PVT1: variants seen among roughly 807,000 people sequenced by gnomAD.
PVT1 encodes the protein Pvt1 oncogene.
At chr8:127,953,638 A>G (rs1229420100) in intron 3 of PVT1, among the ~76,000 whole-genome samples, 3 of 152,206 alleles carry the variant, frequency 2.0e-5, no homozygotes, top group African/African-American at 7.2e-5. Context: ...CTTCCATTTT[A>G]CAGATAAAAA....
chr8:127,971,821 A>G (rs1816767096), intron 3 of PVT1, among the ~76,000 whole-genome samples: 1 of 152,182 alleles, frequency 6.6e-6, no homozygotes, highest in Non-Finnish European at 1.5e-5. Context: ...CGGGACAGAA[A>G]CGGGCTGTTA....
chr8:128,035,795 G>A (rs1304628722), intron 4 of PVT1, among the ~76,000 whole-genome samples: 9 of 152,190 alleles, frequency 5.9e-5, no homozygotes, highest in Admixed American at 1.3e-4. Flanking sequence ...GAGGAGATAT[G>A]ACCATGGAAG....
intron 4 of PVT1, among the ~76,000 whole-genome samples, chr8:128,004,904 G>T (rs1292163360): frequency 6.6e-6 from 1 of 152,234 alleles, no homozygotes; most frequent in Non-Finnish European, 1.5e-5. Flanking sequence ...ACTTTGGGAG[G>T]TGGAGGAGGG....
At position 127,953,985 on chromosome 8, in the gene PVT1, T is replaced by C. The variant is rs187538139; in HGVS notation, n.783-35177T>C. On this transcript the variant is annotated intron_variant and non_coding_transcript_variant, in intron 3 of 10. Transcript: ENST00000651587. The stretch of plus-strand genomic sequence containing the variant: ...ACTTTGGAGAAAACGTGCACAAAAC[T>C]TGAAATACTGATCATCTTGAATATC... Among the ~76,000 whole-genome samples, 3 of 152,262 alleles carry C rather than the reference T, an allele frequency of 2.0e-5. No homozygotes were observed. In the East Asian group the frequency reaches 5.8e-4, roughly 29 times the overall value.
intron 2 of PVT1, chr8:127,803,605 T>C (rs1814493965): frequency 6.6e-6 from 1 of 152,234 alleles, no homozygotes; most frequent in African/African-American, 2.4e-5. Context: ...GAAGGAAATA[T>C]GGGCCAGGCA....
At chr8:127,913,656 G>T (rs1366364796) in intron 3 of PVT1, among the ~76,000 whole-genome samples, 1 of 152,066 alleles carries the variant, frequency 6.6e-6, no homozygotes, top group Admixed American at 6.6e-5. Flanking sequence ...GCCTCTCCCC[G>T]ACTGTGCACA....
intron 4 of PVT1, among the ~76,000 whole-genome samples, chr8:128,022,157 C>T (rs1435827482): frequency 6.6e-6 from 1 of 152,178 alleles, no homozygotes; most frequent in Non-Finnish European, 1.5e-5. Flanking sequence ...TATGTCAACC[C>T]AGCAGAGCTG....
intron 2 of PVT1, among the ~76,000 whole-genome samples, chr8:127,846,980 C>CTTTT (rs34437112): frequency 2.3e-3 from 141 of 62,400 alleles, no homozygotes; most frequent in Non-Finnish European, 3.2e-3. Context: ...TGCACATGGC[C>CTTTT]TTTTTTTTTT....
At chr8:127,837,395 G>GTT (rs368894030) in intron 2 of PVT1, among the ~76,000 whole-genome samples, 5,959 of 140,816 alleles carry the variant, frequency 0.042, 130 homozygotes, top group African/African-American at 0.046. Context: ...TTTTGTTGTT[G>GTT]TTTTTTTTTT....
intron 2 of PVT1, among the ~76,000 whole-genome samples, chr8:127,858,407 A>AGAAT: frequency 7.0e-6 from 1 of 141,868 alleles, no homozygotes; most frequent in South Asian, 2.3e-4. Context: ...ACTCTGTCTC[A>AGAAT]AAATAAATAA....
intron 2 of PVT1, among the ~76,000 whole-genome samples, chr8:127,811,412 G>T (rs1298903318): frequency 1.3e-5 from 2 of 152,168 alleles, no homozygotes; most frequent in Non-Finnish European, 2.9e-5. Context: ...CATTGCACAA[G>T]CTCCCTCAGG....
chr8:128,045,439 G>C (rs1813599382), intron 4 of PVT1, among the ~76,000 whole-genome samples: 1 of 152,192 alleles, frequency 6.6e-6, no homozygotes, highest in South Asian at 2.1e-4. Context: ...GGGTAAGTCA[G>C]TTCTTATCTT....
chr8:127,823,147 T>A (rs571075872), intron 2 of PVT1, among the ~76,000 whole-genome samples: 3 of 152,208 alleles, frequency 2.0e-5, no homozygotes, highest in Non-Finnish European at 4.4e-5. Flanking sequence ...CTGTAATCCC[T>A]TCCCAGTTTA....
intron 4 of PVT1, among the ~76,000 whole-genome samples, chr8:128,058,055 C>T (rs1563677263): frequency 6.6e-6 from 1 of 152,202 alleles, no homozygotes; most frequent in Non-Finnish European, 1.5e-5. Flanking sequence ...TCTGCAAATA[C>T]TGTAGAACAT....
At chr8:128,065,349 G>A (rs1359336008) in intron 4 of PVT1, among the ~76,000 whole-genome samples, 1 of 152,112 alleles carries the variant, frequency 6.6e-6, no homozygotes, top group African/African-American at 2.4e-5. Flanking sequence ...ACGCCACCAC[G>A]CCTGGTTAAT....
chr8:127,882,035 C>T (rs911522799), intron 2 of PVT1, among the ~76,000 whole-genome samples: 4 of 152,172 alleles, frequency 2.6e-5, no homozygotes, highest in South Asian at 2.1e-4. Context: ...CCGCTGTGCC[C>T]GGCTTATTCT....
chr8:127,821,441 C>T (rs1353799038), intron 2 of PVT1, among the ~76,000 whole-genome samples: 1 of 152,160 alleles, frequency 6.6e-6, no homozygotes, highest in Non-Finnish European at 1.5e-5. Context: ...TTTCGATATA[C>T]TAAGTTAAAT....
chr8:127,983,876 A>ATTTTTTTTT (rs33948305), intron 3 of PVT1: 4 of 120,988 alleles, frequency 3.3e-5, no homozygotes, highest in East Asian at 2.3e-4. Flanking sequence ...CTTGACTTTG[A>ATTTTTTTTT]TTTTTTTTTT....
chr8:127,914,488 A>G (rs1815955291), intron 3 of PVT1, among the ~76,000 whole-genome samples: 1 of 152,154 alleles, frequency 6.6e-6, no homozygotes, highest in South Asian at 2.1e-4. Flanking sequence ...TTGAAGGCGT[A>G]TGTCCACAAA....
Sources: gnomAD v4.1 joint callset for allele counts (sites outside exome capture counted in the v4.1 genomes callset) on GRCh38, gnomAD v4.1.1 for gene constraint, MANE v1.5 for transcripts, NCBI Gene and HGNC (gene_info 2026-07-23, HGNC 2026-07-21) for gene names.